Variants in NLRP5 observed in about 807,000 individuals in gnomAD.
NLRP5 encodes the protein NLR family pyrin domain containing 5, also known as NACHT, LRR and PYD domains-containing protein 5.
A neutral mutation model predicts 113.1 loss-of-function variants in NLRP5; 93 were observed. The observed-to-expected ratio is 0.82, with a 90% CI of 0.70 to 0.98. The LOEUF (loss-of-function observed/expected upper bound fraction) is 0.98, where lower values mean the gene tolerates loss of function less well. Ranked by LOEUF, NLRP5 falls within the 50% of genes least tolerant of loss-of-function variation. NLRP5 has a pLI of 0.00. For missense variants in NLRP5, 1,808 were observed against 1,514.3 expected (o/e 1.19, Z -3.22); for synonymous variants, 751 against 600.7 (o/e 1.25, Z -3.66).
At position 56,027,224 on chromosome 19, in the gene NLRP5, A is replaced by G; in HGVS notation, c.991A>G (p.Ser331Gly). 6.2e-7 allele frequency: 1 copy of G among 1,612,582 alleles called. No homozygotes were observed. The highest frequency in any genetic ancestry group is 8.5e-7 in the Non-Finnish European group (1 of 1,179,506). Residue 331 changes from serine to glycine, a missense_variant, in exon 7 of 15, where the codon AGT (serine) becomes GGT (glycine). By Grantham distance (56) the Ser-to-Gly change is moderately conservative. Transcript: ENST00000390649. ...AGAGATGCAGCGGAAGAAGGAGAGCAGTGTCACAGAGTTCATCTCCAGGGA... is the reference window on the plus strand; with the variant it reads ...AGAGATGCAGCGGAAGAAGGAGAGCGGTGTCACAGAGTTCATCTCCAGGGA...
intron 11 of NLRP5, among the ~76,000 whole-genome samples, chr19:56,045,265 A>G (rs1001613351): frequency 5.3e-4 from 80 of 152,168 alleles, no homozygotes; most frequent in African/African-American, 1.9e-3. Context: ...GAGAGTGGGC[A>G]TCCTTGTCTT....
chr19:56,032,715 CAG>C lies in NLRP5; in HGVS notation c.2384_2385del (p.Glu795AlafsTer23). On this transcript the variant is annotated frameshift_variant, in exon 8 of 15. Transcript: ENST00000390649. LOFTEE classifies it high-confidence loss of function. ...CTGGACCTGGGCAGCAGCATCCTGA[CAG>C]AGCGGGCCATGAAGACCCTGTGTGC... 6.2e-7 allele frequency: 1 copy of C among 1,613,474 alleles called. No individual in the cohort carries two copies.
the NLRP5 span, chr19:55,987,978 CA>C: frequency 8.0e-7 from 1 of 1,257,700 alleles, no homozygotes; most frequent in Admixed American, 1.7e-5. Flanking sequence ...TGGCAAATAC[CA>C]GGCGTTATCA....
intron 4 of NLRP5, among the ~76,000 whole-genome samples, chr19:56,016,393 T>C (rs1477918802): frequency 6.6e-6 from 1 of 152,126 alleles, no homozygotes; most frequent in Non-Finnish European, 1.5e-5. Flanking sequence ...CCTCAGGTGA[T>C]CCACCCACCT....
chr19:56,032,720 C>G lies in NLRP5; in HGVS notation c.2386C>G (p.Arg796Gly). Residue 796 changes from arginine to glycine, a missense_variant, in exon 8 of 15, where the codon CGG (arginine) becomes GGG (glycine). Physicochemically the swap from Arg to Gly is moderately radical, Grantham distance 125. Coordinates refer to ENST00000390649, the MANE Select transcript of NLRP5 (RefSeq NM_153447.4). ...CCTGGGCAGCAGCATCCTGACAGAG[C>G]GGGCCATGAAGACCCTGTGTGCCAA... 1 of 1,613,268 alleles carries G rather than the reference C, an allele frequency of 6.2e-7. No individual in the cohort carries two copies. The highest frequency in any genetic ancestry group is 8.5e-7 in the Non-Finnish European group (1 of 1,179,768).
Position 56,012,573 on chromosome 19 carries a change from A to G in NLRP5, c.509-3169A>G, listed in dbSNP as rs1331815626. On this transcript the variant is annotated intron_variant, in intron 3 of 14. Coordinates refer to ENST00000390649, the MANE Select transcript of NLRP5 (RefSeq NM_153447.4). Reference sequence around the variant, plus strand: ...AATCCAGTCTTAGGACATTTCCATAACCCAAAAAAAAAAAAAAATCCTTCA... The same window carrying G: ...AATCCAGTCTTAGGACATTTCCATAGCCCAAAAAAAAAAAAAAATCCTTCA... Among the ~76,000 whole-genome samples the G allele has an allele frequency of 1.8e-4, 5 of 27,788 alleles. No homozygotes were observed. In the Admixed American group the frequency reaches 1.8e-3, roughly 10 times the overall value. 18.2% of individuals were successfully genotyped at this position (27,788 alleles called of 152,430 possible).
At chr19:55,994,778 C>G (rs1981272443), upstream of NLRP5, among the ~76,000 whole-genome samples, 1 of 152,072 alleles carries the variant, frequency 6.6e-6, no homozygotes, top group African/African-American at 2.4e-5. Flanking sequence ...TCTATTTTTG[C>G]TTTTGTTGCC....
chr19:56,031,212 T>C (rs1568493155), intron 7 of NLRP5, among the ~76,000 whole-genome samples: 1 of 152,098 alleles, frequency 6.6e-6, no homozygotes, highest in Non-Finnish European at 1.5e-5. Flanking sequence ...AATGGATCTC[T>C]AGAACTTTTT....
intron 6 of NLRP5, among the ~76,000 whole-genome samples, chr19:56,020,874 ATTTT>A (rs36047346): frequency 4.4e-5 from 6 of 137,550 alleles, no homozygotes; most frequent in East Asian, 2.1e-4. Context: ...CCTTCGTGGC[ATTTT>A]TTTTTTTTTT....
chr19:56,031,377 C>T (rs1246695076), intron 7 of NLRP5, among the ~76,000 whole-genome samples: 2 of 152,066 alleles, frequency 1.3e-5, no homozygotes, highest in Admixed American at 6.6e-5. Context: ...GCCTGTCATC[C>T]CAGCACTTTG....
chr19:56,045,112 A>C (rs1474825465), intron 11 of NLRP5, among the ~76,000 whole-genome samples: 5 of 152,164 alleles, frequency 3.3e-5, no homozygotes, highest in African/African-American at 1.2e-4. Context: ...TTTCTGGAGG[A>C]GTCCTTAGAG....
chr19:55,999,756 G>A lies in NLRP5; in HGVS notation c.31G>A (p.Ala11Thr). 4.3e-6 allele frequency: 7 copies of A among 1,613,600 alleles called. No homozygotes were observed. Among genetic ancestry groups the A allele is most frequent in the Non-Finnish European group, 5.9e-6 (7 of 1,179,618 alleles). Residue 11 changes from alanine to threonine, a missense_variant, in exon 1 of 15, where the codon GCT becomes ACT. Physicochemically the swap from Ala to Thr is moderately conservative, Grantham distance 58 (BLOSUM62 0). Coordinates refer to ENST00000390649, the MANE Select transcript of NLRP5 (RefSeq NM_153447.4). Reference sequence around the variant, plus strand: ...GGTTGCAGGAGGACTTGAACTTGGAGCTGCTGCTCTGCTCTCAGCATCACC... The same window carrying A: ...GGTTGCAGGAGGACTTGAACTTGGAACTGCTGCTCTGCTCTCAGCATCACC...
At chr19:56,031,934 A>G (rs1456408568) in intron 7 of NLRP5, among the ~76,000 whole-genome samples, 1 of 152,170 alleles carries the variant, frequency 6.6e-6, no homozygotes, top group East Asian at 1.9e-4. Context: ...ACCCAGAGGT[A>G]GGATTGTTAG....
intron 6 of NLRP5, among the ~76,000 whole-genome samples, chr19:56,020,763 A>G (rs1451028835): frequency 6.6e-6 from 1 of 151,422 alleles, no homozygotes; most frequent in Non-Finnish European, 1.5e-5. Context: ...CTTAAGTGGT[A>G]GTAATTATTT....
chr19:56,007,896 C>T (rs139100869), intron 2 of NLRP5, among the ~76,000 whole-genome samples: 39,724 of 97,834 alleles, frequency 0.41, 8,864 homozygotes, highest in African/African-American at 0.53. Context: ...TGTGCGCGTG[C>T]GCGCGTGCGT....
At chr19:56,014,624 G>A (rs1982336367) in intron 3 of NLRP5, among the ~76,000 whole-genome samples, 1 of 152,036 alleles carries the variant, frequency 6.6e-6, no homozygotes, top group African/African-American at 2.4e-5. Context: ...GAAGTAGAGG[G>A]TTCAACTTCA....
At position 56,037,929 on chromosome 19, in the gene NLRP5, G is replaced by A. The variant is rs116033469; in HGVS notation, c.2616-96G>A. ...AGGAGCAGACAGAGTTCGAGGACCA[G>A]GAAAACGGCCAGCGCTGCTGGCGTG... On this transcript the variant is annotated intron_variant, in intron 9 of 14. Coordinates refer to ENST00000390649, the MANE Select transcript of NLRP5 (RefSeq NM_153447.4). 2.6e-3 allele frequency: 3,406 copies of A among 1,327,670 alleles called. 71 individuals are homozygous for A. The African/African-American group carries it at 0.044, about 17-fold the overall frequency. 82.2% of individuals were successfully genotyped at this position (1,327,670 alleles called of 1,614,324 possible). A position where few individuals can be genotyped will look rare whatever the true frequency, so the allele number is the denominator to read the frequency against.
At chr19:56,061,303 T>C (rs1017289786) in intron 14 of NLRP5, 93 bp from the exon 15 acceptor site, 13 of 1,413,664 alleles carry the variant, frequency 9.2e-6, no homozygotes, top group Non-Finnish European at 1.9e-6. Flanking sequence ...AAGAAAAGGT[T>C]TGAGATCCTT....
At chr19:56,005,193 TTA>T (rs1371170405) in intron 2 of NLRP5, among the ~76,000 whole-genome samples, 1 of 141,842 alleles carries the variant, frequency 7.1e-6, no homozygotes, top group Non-Finnish European at 1.5e-5. Flanking sequence ...ACACATATTT[TTA>T]TATACACATA....
Sources: gnomAD v4.1 joint callset for allele counts (sites outside exome capture counted in the v4.1 genomes callset) on GRCh38, gnomAD v4.1.1 for gene constraint, MANE v1.5 for transcripts, NCBI Gene and HGNC (gene_info 2026-07-23, HGNC 2026-07-21) for gene names.